Variants in SDK1 observed in about 807,000 individuals in gnomAD.
The protein encoded by SDK1 is protein sidekick-1.
In SDK1, 157 loss-of-function variants were observed where a neutral mutation model predicts 245.5. The ratio of observed to expected loss-of-function variants is 0.64; its 90% CI spans 0.56 to 0.73. The LOEUF (loss-of-function observed/expected upper bound fraction) is 0.73. SDK1 is among the 30% of genes least tolerant of loss of function. SDK1 has a pLI of 0.00. For synonymous variants in SDK1, 1,647 were observed against 1,278.5 expected, an observed-to-expected ratio of 1.29 and a Z score of -6.15; for missense variants, 3,583 against 3,002.3, an observed-to-expected ratio of 1.19 and a Z score of -4.52.
chr7:3,917,941 C>T (rs59599300), intron 5 of SDK1, among the ~76,000 whole-genome samples: 3,314 of 152,220 alleles, frequency 0.022, 120 homozygotes, highest in African/African-American at 0.075. Flanking sequence ...ATCAAACCCT[C>T]GGTAAAGCAG....
intron 1 of SDK1, among the ~76,000 whole-genome samples, chr7:3,363,156 C>T (rs371322174): frequency 3.9e-5 from 6 of 152,170 alleles, no homozygotes; most frequent in South Asian, 2.1e-4. Context: ...CCACACTGCT[C>T]GGCAACCATG....
chr7:3,995,162 C>T (rs548867637), intron 14 of SDK1, among the ~76,000 whole-genome samples: 25 of 152,332 alleles, frequency 1.6e-4, no homozygotes, highest in African/African-American at 6.0e-4. Context: ...TTCTGCTTTC[C>T]TTACTTCAGC....
At chr7:4,237,558 G>A in intron 41 of SDK1, 89 bp from the exon 42 acceptor site, 1 of 1,495,426 alleles carries the variant, frequency 6.7e-7, no homozygotes. Context: ...ATCTACCCCA[G>A]CCTTCCCTGC....
Position 3,991,693 on chromosome 7 carries a change from A to T in SDK1, c.2131+4371A>T, listed in dbSNP as rs573959723. On this transcript the variant is annotated intron_variant, in intron 14 of 44. Transcript: ENST00000404826. ...TTCCTTCAGAGCCTGGAGTGTGGGT[A>T]TTGTGGCATGCAGAATCTAGAGTGG... 1.8e-4 allele frequency among the ~76,000 whole-genome samples: 27 copies of T among 152,164 alleles called. No homozygotes were observed. In the South Asian group the frequency reaches 5.4e-3, roughly 30 times the overall value.
intron 5 of SDK1, among the ~76,000 whole-genome samples, chr7:3,901,160 C>T (rs10215004): frequency 0.28 from 42,939 of 151,920 alleles, 7,901 homozygotes; most frequent in African/African-American, 0.52. Flanking sequence ...TATTCTTTGT[C>T]AGATTCAAGT....
intron 1 of SDK1, among the ~76,000 whole-genome samples, chr7:3,431,950 GT>G (rs1779858769): frequency 1.3e-5 from 2 of 151,712 alleles, no homozygotes; most frequent in Admixed American, 6.6e-5. Context: ...TCTCAGGGGT[GT>G]TTAAACTGTG....
chr7:4,041,601 C>CACCCCTCCTGACTGCCG (rs1197229943), intron 17 of SDK1, among the ~76,000 whole-genome samples: 4 of 152,118 alleles, frequency 2.6e-5, no homozygotes, highest in Non-Finnish European at 2.9e-5. Context: ...TCCTCCTGTT[C>CACCCCTCCTGACTGCCG]ACCCCTCCTG....
Position 4,139,605 on chromosome 7 carries a change from G to GTGTGTATA in SDK1, c.4229-6112_4229-6111insATATGTGT, listed in dbSNP as rs1412748029. Among the ~76,000 whole-genome samples the GTGTGTATA allele has an allele frequency of 4.0e-4, 13 of 32,364 alleles. 3 individuals carry two copies. The highest frequency in any genetic ancestry group is 3.2e-3 in the South Asian group (2 of 624). 21.2% of individuals were successfully genotyped at this position (32,364 alleles called of 152,430 possible). A position where few individuals can be genotyped will look rare whatever the true frequency, so the allele number is the denominator to read the frequency against. On this transcript the variant is annotated intron_variant, in intron 28 of 44. Coordinates refer to ENST00000404826, the MANE Select transcript of SDK1 (RefSeq NM_152744.4). ...TGTATGTGTGTGTATATGTATATATGTGTGTGTATATGTGTGTGTGTATAT... is the reference window on the plus strand; with the variant it reads ...TGTATGTGTGTGTATATGTATATATGTGTGTATATGTGTGTATATGTGTGTGTGTATAT...
chr7:3,566,170 A>C (rs964248492), intron 1 of SDK1, among the ~76,000 whole-genome samples: 4 of 152,054 alleles, frequency 2.6e-5, no homozygotes, highest in African/African-American at 9.7e-5. Context: ...AAAATATTTA[A>C]AATTAAACCC....
intron 44 of SDK1, among the ~76,000 whole-genome samples, chr7:4,257,009 TTC>T (rs1462766116): frequency 1.3e-5 from 2 of 152,248 alleles, no homozygotes; most frequent in African/African-American, 4.8e-5. Context: ...CTGTGGCTAT[TTC>T]TGTTTTTCTG....
At chr7:3,513,913 C>G (rs1192250132) in intron 1 of SDK1, among the ~76,000 whole-genome samples, 2 of 152,090 alleles carry the variant, frequency 1.3e-5, no homozygotes, top group African/African-American at 4.8e-5. Flanking sequence ...ATTAATTTGC[C>G]TAGGATAGTG....
rs567781640 is a variant in SDK1, at chr7:3,826,922, G to A, written c.847+5339G>A. Among the ~76,000 whole-genome samples the A allele has an allele frequency of 1.3e-4, 20 of 152,244 alleles. 1 individual carries two copies. In the South Asian group the frequency reaches 3.3e-3, roughly 25 times the overall value. ...AGAGGAGTGTAGCTGGTGGCTCCCA[G>A]CAAGACTTCACTCACCACAACAAAG... On this transcript the variant is annotated intron_variant, in intron 5 of 44. Coordinates refer to ENST00000404826, the MANE Select transcript of SDK1 (RefSeq NM_152744.4).
rs190631601 is a variant in SDK1, at chr7:4,049,433, G to C, written c.2688G>C (p.Gln896His). The change falls in exon 18 of 45, where the codon CAG (glutamine) becomes CAC (histidine). Residue 896 changes from glutamine (Q) to histidine (H), a missense_variant. Transcript: ENST00000404826. ...IQFLWNPPPQ[Q>H]FINGINQGYK... ...TCCTGTGGAACCCTCCGCCTCAGCA[G>C]TTTATCAATGGCATCAACCAGGGAT... The C allele has an allele frequency of 6.2e-7, 1 of 1,614,100 alleles. No individual in the cohort carries two copies. Among genetic ancestry groups the C allele is most frequent in the East Asian group, 2.2e-5 (1 of 44,876 alleles).
chr7:3,903,442 G>A (rs1037347653), intron 5 of SDK1, among the ~76,000 whole-genome samples: 6 of 152,080 alleles, frequency 3.9e-5, no homozygotes, highest in African/African-American at 7.2e-5. Flanking sequence ...CACCGCGCCC[G>A]GCCGACAGTT....
At chr7:3,998,657 T>C (rs1583780644) in intron 14 of SDK1, among the ~76,000 whole-genome samples, 1 of 152,174 alleles carries the variant, frequency 6.6e-6, no homozygotes, top group South Asian at 2.1e-4. Flanking sequence ...GCCTCAAACC[T>C]GAAATAATGT....
At chr7:3,662,169 G>C (rs796573457) in intron 4 of SDK1, among the ~76,000 whole-genome samples, 61 of 149,554 alleles carry the variant, frequency 4.1e-4, no homozygotes, top group African/African-American at 1.4e-3. Flanking sequence ...TCCTTTATTC[G>C]AACAAAAGTC....
At chr7:4,146,125 C>T (rs1381049054) in intron 29 of SDK1, among the ~76,000 whole-genome samples, 1 of 143,078 alleles carries the variant, frequency 7.0e-6, no homozygotes, top group African/African-American at 2.5e-5. Flanking sequence ...TTCAGCCTCA[C>T]ACCTGCTCTC....
intron 1 of SDK1, among the ~76,000 whole-genome samples, chr7:3,534,964 G>T (rs1778833208): frequency 6.6e-6 from 1 of 152,154 alleles, no homozygotes; most frequent in Non-Finnish European, 1.5e-5. Flanking sequence ...TTAGGGTGGG[G>T]TGGCCAGCCT....
chr7:3,454,126 A>G (rs1409316049), intron 1 of SDK1, among the ~76,000 whole-genome samples: 1 of 152,118 alleles, frequency 6.6e-6, no homozygotes, highest in Non-Finnish European at 1.5e-5. Context: ...TACTTATATA[A>G]ACTTGGACCC....
Sources: allele counts gnomAD v4.1 joint callset (sites outside exome capture counted in the v4.1 genomes callset), GRCh38; gene constraint gnomAD v4.1.1; transcripts MANE v1.5; gene names NCBI Gene and HGNC (gene_info 2026-07-23, HGNC 2026-07-21).